The following WDR59 variants were observed in gnomAD, a reference collection of about 807,000 sequenced individuals.
The protein encoded by WDR59 is WD repeat domain 59, also known as GATOR2 complex protein WDR59.
A neutral mutation model predicts 131.2 loss-of-function variants in WDR59; 100 were observed. That is an observed-to-expected ratio of 0.76 (90% CI 0.65 to 0.90). The LOEUF (loss-of-function observed/expected upper bound fraction) is 0.90, where lower values mean the gene tolerates loss of function less well. WDR59 is among the 40% of genes least tolerant of loss of function. The pLI, the probability that WDR59 is intolerant of heterozygous loss-of-function variation, is 0.00. For missense variants in WDR59, 1,203 were observed against 1,262.2 expected (o/e 0.95, Z 0.71); for synonymous variants, 601 against 466.2 (o/e 1.29, Z -3.72).
rs1461071193 is a variant in WDR59 at position 74,909,945 on chromosome 16, A to G, written c.1390-28T>C. On this transcript the variant is annotated intron_variant, in intron 14 of 25. Coordinates refer to ENST00000262144, the MANE Select transcript of WDR59 (RefSeq NM_030581.4). ...AGAAAAGGCCCAAAACACAGTCAAG[A>G]AGAGGAACACATTTCTCTGATAGGT... The G allele has an allele frequency of 2.6e-6, 4 of 1,556,708 alleles. No homozygotes were observed. The Admixed American group carries it at 6.2e-5, about 24-fold the overall frequency.
chr16:74,903,686 C>T (rs906615605), intron 18 of WDR59, among the ~76,000 whole-genome samples: 2 of 53,600 alleles, frequency 3.7e-5, no homozygotes, highest in Admixed American at 1.4e-4. Context: ...GTGGAGATTA[C>T]GAGTGGAGAT....
intron 2 of WDR59, chr16:74,962,727 G>C (rs2033612696): frequency 6.6e-6 from 1 of 151,892 alleles, no homozygotes; most frequent in Non-Finnish European, 1.5e-5. Flanking sequence ...CATGTCATCT[G>C]CAAACAGGGA....
chr16:74,951,533 C>A lies in WDR59; in HGVS notation c.251G>T (p.Arg84Leu). 6.3e-7 allele frequency: 1 copy of A among 1,595,010 alleles called. No individual in the cohort carries two copies. The highest frequency in any genetic ancestry group is 8.5e-7 in the Non-Finnish European group (1 of 1,171,070). The change falls in exon 4 of 26, where the codon CGA (arginine) becomes CTA (leucine). Residue 84 changes from arginine (R) to leucine (L), a missense_variant. Coordinates refer to ENST00000262144, the MANE Select transcript of WDR59 (RefSeq NM_030581.4). ...GTCTTTCCACTTGTAAAGGTCTACTCGTTGGTTACTCTGAAAAGAAAGGAA... is the reference window on the plus strand; with the variant it reads ...GTCTTTCCACTTGTAAAGGTCTACTAGTTGGTTACTCTGAAAAGAAAGGAA... ...AHYFAASSNQRVDLYKWKDGS... is the reference protein window; with the variant it reads ...AHYFAASSNQLVDLYKWKDGS...
intron 1 of WDR59, among the ~76,000 whole-genome samples, chr16:74,966,255 A>G (rs2033770886): frequency 6.6e-6 from 1 of 152,214 alleles, no homozygotes; most frequent in African/African-American, 2.4e-5. Flanking sequence ...CAAGGCAGGC[A>G]GATCACCTGA....
intron 17 of WDR59, among the ~76,000 whole-genome samples, chr16:74,908,103 G>C (rs1163174314): frequency 6.6e-6 from 1 of 152,174 alleles, no homozygotes; most frequent in Non-Finnish European, 1.5e-5. Context: ...AAAATGAAAA[G>C]AAGGGCTTTT....
At chr16:74,968,994 G>C (rs986349831) in intron 1 of WDR59, among the ~76,000 whole-genome samples, 1 of 152,134 alleles carries the variant, frequency 6.6e-6, no homozygotes, top group Non-Finnish European at 1.5e-5. Context: ...AGTGCTTTGT[G>C]GGGGAAAGGA....
intron 2 of WDR59, among the ~76,000 whole-genome samples, chr16:74,964,899 C>T (rs2033705684): frequency 6.6e-6 from 1 of 151,984 alleles, no homozygotes; most frequent in African/African-American, 2.4e-5. Flanking sequence ...CCTGTCTCTG[C>T]TAAAAATACA....
intron 6 of WDR59, among the ~76,000 whole-genome samples, chr16:74,946,008 G>T (rs1242120472): frequency 6.6e-6 from 1 of 151,820 alleles, no homozygotes; most frequent in Non-Finnish European, 1.5e-5. Flanking sequence ...GTAGAGACGG[G>T]GTTTCTCCAT....
At chr16:74,926,347 C>T (rs967090554) in intron 8 of WDR59, among the ~76,000 whole-genome samples, 6 of 151,996 alleles carry the variant, frequency 3.9e-5, no homozygotes, top group Admixed American at 6.6e-5. Flanking sequence ...CATGAGCCAC[C>T]GCGCCCAGCT....
Position 74,916,124 on chromosome 16 carries a change from T to C in WDR59, c.1099+3A>G, listed in dbSNP as rs1261857527. On this transcript the variant is annotated splice_donor_region_variant and intron_variant, in intron 12 of 25. Transcript: ENST00000262144. ...TACCTGAGACATCAGTTTGACAAAT[T>C]ACCTTCTTCCTCCCCATGGCTTGCA... The C allele has an allele frequency of 2.5e-6, 4 of 1,614,204 alleles. No individual in the cohort carries two copies. The highest frequency in any genetic ancestry group is 2.5e-6 in the Non-Finnish European group (3 of 1,180,024).
At chr16:74,893,225 A>G (rs146986323) in intron 19 of WDR59, among the ~76,000 whole-genome samples, 105 of 152,288 alleles carry the variant, frequency 6.9e-4, no homozygotes, top group Non-Finnish European at 1.4e-3. Flanking sequence ...CAGAGAGACT[A>G]TCCTGGGTGG....
chr16:74,937,904 C>T lies in WDR59; in HGVS notation c.651+246G>A, dbSNP rs141002842. Among the ~76,000 whole-genome samples, 99 of 152,322 alleles carry T rather than the reference C, an allele frequency of 6.5e-4. No individual in the cohort carries two copies. The Middle Eastern group carries it at 0.01, about 16-fold the overall frequency. ...TCTAAGAGACGTATCAGAGGAGATG[C>T]TATGGCATGTCACTCTGCCATCATA... On this transcript the variant is annotated intron_variant, in intron 8 of 25. Coordinates refer to ENST00000262144, the MANE Select transcript of WDR59 (RefSeq NM_030581.4).
chr16:74,926,106 C>T (rs1212499497), intron 8 of WDR59, among the ~76,000 whole-genome samples: 2 of 140,628 alleles, frequency 1.4e-5, no homozygotes, highest in African/African-American at 2.7e-5. Flanking sequence ...GTTGCCCAGG[C>T]TGGAGAACAA....
At chr16:74,911,905 G>A (rs1966112153) in intron 14 of WDR59, 1 of 525,306 alleles carries the variant, frequency 1.9e-6, no homozygotes, top group African/African-American at 1.9e-5. Context: ...CATATTTACA[G>A]GCAATATTTC....
chr16:74,959,881 C>T (rs190085002), intron 2 of WDR59, among the ~76,000 whole-genome samples: 76 of 147,026 alleles, frequency 5.2e-4, no homozygotes, highest in Non-Finnish European at 9.0e-4. Flanking sequence ...TCAAAGGAAA[C>T]GGCGATAAAT....
chr16:74,974,849 C>T (rs1055265100), intron 1 of WDR59, among the ~76,000 whole-genome samples: 4 of 152,202 alleles, frequency 2.6e-5, no homozygotes, highest in African/African-American at 9.6e-5. Flanking sequence ...TAAGCATATA[C>T]TGTGTGCGTC....
At chr16:74,914,520 C>T (rs75105602) in intron 13 of WDR59, among the ~76,000 whole-genome samples, 1 of 151,970 alleles carries the variant, frequency 6.6e-6, no homozygotes, top group African/African-American at 2.4e-5. Context: ...TAGCTGCTGA[C>T]CTTGGACATT....
At chr16:74,945,320 CA>C (rs1179607896) in intron 6 of WDR59, among the ~76,000 whole-genome samples, 2 of 146,384 alleles carry the variant, frequency 1.4e-5, no homozygotes, top group Non-Finnish European at 3.0e-5. Flanking sequence ...ACTAAAAATA[CA>C]AAAAAATTAG....
chr16:74,901,540 G>A (rs185145447), intron 18 of WDR59, among the ~76,000 whole-genome samples: 16 of 151,968 alleles, frequency 1.1e-4, no homozygotes, highest in East Asian at 3.9e-4. Context: ...CTCAGGAGGC[G>A]GCTGAGGTGG....
Sources: allele counts gnomAD v4.1 joint callset (sites outside exome capture counted in the v4.1 genomes callset), GRCh38; gene constraint gnomAD v4.1.1; transcripts MANE v1.5; gene names NCBI Gene and HGNC (gene_info 2026-07-23, HGNC 2026-07-21).